The following TTLL10 variants were observed in gnomAD, a reference collection of about 807,000 sequenced individuals.
TTLL10 encodes tubulin tyrosine ligase like 10.
TTLL10 carries 61 observed loss-of-function variants against 69.0 expected under a neutral mutation model. That is an observed-to-expected ratio of 0.88 (90% CI 0.72 to 1.09). The LOEUF is 1.09. TTLL10 is among the 50% of genes least tolerant of loss of function. TTLL10 has a pLI of 0.00. For missense variants in TTLL10, 962 were observed against 945.9 expected (o/e 1.02, Z -0.22); for synonymous variants, 408 against 393.3 (o/e 1.04, Z -0.44).
rs1170694693 is a variant in TTLL10, at chr1:1,180,262, TG to T, written c.434del (p.Gly145ValfsTer48). On this transcript the variant is annotated frameshift_variant, in exon 6 of 16. Coordinates refer to ENST00000379289, the MANE Select transcript of TTLL10 (RefSeq NM_001130045.2). LOFTEE classifies it high-confidence loss of function. Reference sequence around the variant, plus strand: ...GCTGCCCTCCTGGAGGGGCTCCTGCTGGGGGGTGGGAAGCCATCGCCCCACA... The same window carrying T: ...GCTGCCCTCCTGGAGGGGCTCCTGCTGGGGGTGGGAAGCCATCGCCCCACA... Reference protein sequence around the residue: ...PSAALLEGLLLGGGKPSPHST... With the variant: ...PSAALLEGLLXGGGKPSPHST... 3 of 1,600,340 alleles carry T rather than the reference TG, an allele frequency of 1.9e-6. No homozygotes were observed. The highest frequency in any genetic ancestry group is 1.7e-5 in the Admixed American group (1 of 58,394).
rs758836553 is a variant in TTLL10, at chr1:1,183,962, C to G, written c.1131C>G (p.Asp377Glu). Residue 377 changes from aspartate (D) to glutamate (E), a missense_variant, in exon 12 of 16, where the codon GAC becomes GAG. Transcript: ENST00000379289. ...NPLLVDGRKF[D>E]VRSYLLIACT... is the part of the protein sequence containing the mutation. Reference sequence around the variant, plus strand: ...TGCTGGTGGACGGGAGAAAGTTTGACGTGCGCTCCTACCTGCTCATTGCCT... The same window carrying G: ...TGCTGGTGGACGGGAGAAAGTTTGAGGTGCGCTCCTACCTGCTCATTGCCT... 13 of 1,614,104 alleles carry G rather than the reference C, an allele frequency of 8.1e-6. No individual in the cohort carries two copies. The highest frequency in any genetic ancestry group is 1.1e-5 in the Non-Finnish European group (13 of 1,180,040).
intron 3 of TTLL10, chr1:1,174,721 G>C (rs564346247): frequency 6.6e-6 from 1 of 152,222 alleles, no homozygotes; most frequent in African/African-American, 2.4e-5. Flanking sequence ...TTGCTAGATC[G>C]ACAGGCGTGA....
In TTLL10 at chr1:1,185,512, C is replaced by T. The variant is rs1336268706; in HGVS notation, c.1401+403C>T. ...GCAGCAGCAGCTGCCCGTGCAGGCCCGGACTCTCCCTAGCTAAGGGCCATG... is the reference window on the plus strand; with the variant it reads ...GCAGCAGCAGCTGCCCGTGCAGGCCTGGACTCTCCCTAGCTAAGGGCCATG... On this transcript the variant is annotated intron_variant, in intron 13 of 15. Transcript: ENST00000379289. The surrounding 1 kb of genome is among the most constrained non-coding windows in gnomAD (Gnocchi z 6.1). 14 of 1,049,290 alleles carry T rather than the reference C, an allele frequency of 1.3e-5. No individual in the cohort carries two copies. The highest frequency in any genetic ancestry group is 8.5e-5 in the African/African-American group (5 of 58,830). The allele number at this position is 1,049,290 out of a possible 1,614,324, so 65.0% of individuals were successfully genotyped here.
Position 1,184,067 on chromosome 1 carries a change from C to T in TTLL10, c.1236C>T (p.Asp412=). 1.9e-6 allele frequency: 3 copies of T among 1,614,230 alleles called. No homozygotes were observed. The highest frequency in any genetic ancestry group is 2.5e-6 in the Non-Finnish European group (3 of 1,180,028). ...TLSLYDPHSS[D]LGGHLTNQFM... ...GCCTTTACGACCCCCATTCCAGCGACCTCGGCGGCCACTTGACCAACCAGG... is the reference window on the plus strand; with the variant it reads ...GCCTTTACGACCCCCATTCCAGCGATCTCGGCGGCCACTTGACCAACCAGG... The change falls in exon 12 of 16, where the codon GAC becomes GAT. Residue 412 remains aspartate, a synonymous_variant. Coordinates refer to ENST00000379289, the MANE Select transcript of TTLL10 (RefSeq NM_001130045.2).
At chr1:1,190,431 A>AT (rs541647229) in intron 13 of TTLL10, among the ~76,000 whole-genome samples, 20,226 of 142,214 alleles carry the variant, frequency 0.14, 2,371 homozygotes, top group East Asian at 0.58. Flanking sequence ...TCTTTTACTA[A>AT]TTTTTTTTTT....
At chr1:1,177,133 T>A (rs1231509112) in intron 3 of TTLL10, among the ~76,000 whole-genome samples, 1 of 151,740 alleles carries the variant, frequency 6.6e-6, no homozygotes, top group African/African-American at 2.4e-5. Flanking sequence ...TGTGTAGGTG[T>A]CTGTAGGTGT....
chr1:1,182,280 G>A, intron 9 of TTLL10, 81 bp from the exon 10 acceptor site: 1 of 1,276,198 alleles, frequency 7.8e-7, no homozygotes, highest in Non-Finnish European at 1.1e-6. Flanking sequence ...CTCCCGCCGG[G>A]CCACAGGCTG....
At chr1:1,179,580 C>T (rs1646978129) in intron 4 of TTLL10, 77 bp from the exon 5 acceptor site, 3 of 1,540,404 alleles carry the variant, frequency 1.9e-6, no homozygotes, top group Admixed American at 2.0e-5. Context: ...AAGGGCAGCC[C>T]CTCGTCTCCC....
chr1:1,180,880 TGCCCCC>T lies in TTLL10; in HGVS notation c.755+22_755+27del. 1 of 1,467,964 alleles carries T rather than the reference TGCCCCC, an allele frequency of 6.8e-7. No homozygotes were observed. The allele number at this position is 1,467,964 out of a possible 1,614,324, so 90.9% of individuals were successfully genotyped here. A position where few individuals can be genotyped will look rare whatever the true frequency, so the allele number is the denominator to read the frequency against. On this transcript the variant is annotated intron_variant, in intron 8 of 15. Transcript: ENST00000379289. The stretch of plus-strand genomic sequence containing the variant: ...GGCCAGGTGAGTCTGCCCCTGCCCC[TGCCCCC>T]GTCCCTGCGCCCGCCCCTACGCCTG...
chr1:1,190,834 A>G lies in TTLL10; in HGVS notation c.1401+5725A>G, dbSNP rs142428068. On this transcript the variant is annotated intron_variant, in intron 13 of 15. Coordinates refer to ENST00000379289, the MANE Select transcript of TTLL10 (RefSeq NM_001130045.2). ...CAAAGTATTTTTATTTTTATTTTTTATTTTATTTGAGATGGAGTTTCGCTC... is the reference window on the plus strand; with the variant it reads ...CAAAGTATTTTTATTTTTATTTTTTGTTTTATTTGAGATGGAGTTTCGCTC... Among the ~76,000 whole-genome samples the G allele has an allele frequency of 2.3e-4, 34 of 150,920 alleles. 1 individual carries two copies. The East Asian group carries it at 6.5e-3, about 29-fold the overall frequency.
chr1:1,183,873 G>A, intron 11 of TTLL10, 47 bp from the exon 12 acceptor site: 1 of 1,610,326 alleles, frequency 6.2e-7, no homozygotes, highest in Non-Finnish European at 8.5e-7. Flanking sequence ...ATGCAGGCCA[G>A]GCTGGCCCCG....
Position 1,185,749 on chromosome 1 carries a change from G to A in TTLL10, c.1401+640G>A, listed in dbSNP as rs899190066. The A allele has an allele frequency of 2.0e-6, 2 of 985,410 alleles. No individual in the cohort carries two copies. Among genetic ancestry groups the A allele is most frequent in the Admixed American group, 6.1e-5 (1 of 16,264 alleles). 61.0% of individuals were successfully genotyped at this position (985,410 alleles called of 1,614,324 possible). ...ATGGTCCTTCCTCACCCACAGGCGT[G>A]TGTCACTGTGGCTGGGACGGCAGCG... On this transcript the variant is annotated intron_variant, in intron 13 of 15. Transcript: ENST00000379289. The surrounding 1 kb of genome is among the most constrained non-coding windows in gnomAD (Gnocchi z 6.1).
rs760211713 is a variant in TTLL10 at position 1,180,299 on chromosome 1, G to C, written c.465G>C (p.Pro155=). ...GGKPSPHSTR[P]GPFFYIGGSN... The stretch of plus-strand genomic sequence containing the variant: ...AGCCATCGCCCCACAGCACCCGGCC[G>C]GGGCCCTTCTTCTACATTGGAGGCA... Residue 155 remains proline, a synonymous_variant, in exon 6 of 16, where the codon CCG becomes CCC. Coordinates refer to ENST00000379289, the MANE Select transcript of TTLL10 (RefSeq NM_001130045.2). 1.3e-6 allele frequency: 2 copies of C among 1,587,638 alleles called. No individual in the cohort carries two copies. Among genetic ancestry groups the C allele is most frequent in the African/African-American group, 2.7e-5 (2 of 74,308 alleles).
At chr1:1,193,524 C>T (rs764756367) in intron 13 of TTLL10, among the ~76,000 whole-genome samples, 3 of 150,880 alleles carry the variant, frequency 2.0e-5, no homozygotes, top group African/African-American at 4.9e-5. Context: ...AGTGCAGTGG[C>T]GTGATCTCGG....
chr1:1,183,427 C>T (rs746291844), intron 11 of TTLL10, among the ~76,000 whole-genome samples: 6 of 152,184 alleles, frequency 3.9e-5, no homozygotes, highest in Non-Finnish European at 8.8e-5. Flanking sequence ...AGGCTTCCTC[C>T]AGAAAGCCCC....
At chr1:1,196,350 A>T (rs1180674670) in intron 13 of TTLL10, 3 of 495,878 alleles carry the variant, frequency 6.0e-6, no homozygotes, top group Admixed American at 3.4e-5. Flanking sequence ...AAGGGCAGAG[A>T]TTTCCTGTGA....
rs746534372 is a variant in TTLL10, at chr1:1,185,079, C to T, written c.1371C>T (p.Leu457=). The T allele has an allele frequency of 3.0e-5, 49 of 1,614,036 alleles. No individual in the cohort carries two copies. Among genetic ancestry groups the T allele is most frequent in the East Asian group, 4.5e-5 (2 of 44,888 alleles). The change falls in exon 13 of 16, where the codon CTC becomes CTT. Residue 457 remains leucine, a synonymous_variant. Coordinates refer to ENST00000379289, the MANE Select transcript of TTLL10 (RefSeq NM_001130045.2). The surrounding 1 kb of genome is among the most constrained non-coding windows in gnomAD (Gnocchi z 6.1). ...ISDTFWKARG[L]AKDWVFTTLK... ...ACACGTTCTGGAAGGCCCGGGGCCT[C>T]GCCAAGGACTGGGTCTTCACCACCC...
In TTLL10 at chr1:1,185,568, C is replaced by T. The variant is rs1260645982; in HGVS notation, c.1401+459C>T. ...TGGAGTGTCCTAATTTTGCAGGGTT[C>T]CTTTCTGTGGGGGTACCTGTGGGGT... On this transcript the variant is annotated intron_variant, in intron 13 of 15. Transcript: ENST00000379289. This position sits in a 1 kb window ranked among gnomAD's most constrained non-coding sequence, Gnocchi z 6.1. 2.0e-6 allele frequency: 2 copies of T among 992,886 alleles called. No individual in the cohort carries two copies. The highest frequency in any genetic ancestry group is 3.5e-5 in the African/African-American group (2 of 57,454). 61.5% of individuals were successfully genotyped at this position (992,886 alleles called of 1,614,324 possible).
intron 3 of TTLL10, among the ~76,000 whole-genome samples, chr1:1,176,607 C>T (rs77063733): frequency 0.024 from 3,721 of 152,304 alleles, 62 homozygotes; most frequent in Non-Finnish European, 0.028. Flanking sequence ...GGGCCGGTTC[C>T]AGCCCTGTGT....
Sources: allele counts gnomAD v4.1 joint callset (sites outside exome capture counted in the v4.1 genomes callset), GRCh38; gene constraint gnomAD v4.1.1; non-coding constraint Gnocchi (gnomAD v3.1); transcripts MANE v1.5; gene names NCBI Gene and HGNC (gene_info 2026-07-23, HGNC 2026-07-21).